Variants in CDH12 observed in about 807,000 individuals in gnomAD.
CDH12 encodes cadherin 12, also known as cadherin-12.
Under a neutral mutation model 74.1 loss-of-function variants are expected in CDH12, and 41 were observed. The observed-to-expected ratio is 0.55, with a 90% confidence interval of 0.43 to 0.72. The LOEUF (loss-of-function observed/expected upper bound fraction) is 0.72, where lower values mean the gene tolerates loss of function less well. CDH12 is among the 30% of genes least tolerant of loss of function. The pLI is 0.00. For missense variants in CDH12, 945 were observed against 977.2 expected (o/e 0.97, Z 0.44); for synonymous variants, 399 against 355.0 (o/e 1.12, Z -1.39).
At chr5:22,165,910 G>A (rs906300472) in intron 4 of CDH12, among the ~76,000 whole-genome samples, 1 of 152,134 alleles carries the variant, frequency 6.6e-6, no homozygotes, top group African/African-American at 2.4e-5. Context: ...TAAAGGGGAG[G>A]CATGAATAAT....
At chr5:22,485,907 A>C (rs1453489548) in intron 2 of CDH12, among the ~76,000 whole-genome samples, 1 of 152,230 alleles carries the variant, frequency 6.6e-6, no homozygotes, top group Non-Finnish European at 1.5e-5. Flanking sequence ...TCAGAGCAAA[A>C]GAATACACAG....
At chr5:22,255,737 C>A (rs1376722464) in intron 3 of CDH12, among the ~76,000 whole-genome samples, 1 of 151,346 alleles carries the variant, frequency 6.6e-6, no homozygotes, top group Non-Finnish European at 1.5e-5. Context: ...ACATGCAATA[C>A]AAATAACTGA....
chr5:21,826,276 A>G (rs1748664232), intron 8 of CDH12, among the ~76,000 whole-genome samples: 1 of 152,176 alleles, frequency 6.6e-6, no homozygotes, highest in Non-Finnish European at 1.5e-5. Flanking sequence ...GACATATTCA[A>G]ACATGAGATC....
At chr5:22,626,920 G>C (rs1485217114) in intron 1 of CDH12, among the ~76,000 whole-genome samples, 1 of 151,988 alleles carries the variant, frequency 6.6e-6, no homozygotes, top group Non-Finnish European at 1.5e-5. Flanking sequence ...TGATGTGAGA[G>C]AACTTAAAAA....
intron 1 of CDH12, among the ~76,000 whole-genome samples, chr5:22,842,567 G>A (rs1238413331): frequency 6.6e-6 from 1 of 152,064 alleles, no homozygotes; most frequent in Non-Finnish European, 1.5e-5. Context: ...TGGTGTTGTA[G>A]GCCAAGAGTA....
At chr5:22,452,898 A>AAAAAAAG (rs1745108971) in intron 2 of CDH12, among the ~76,000 whole-genome samples, 1 of 148,458 alleles carries the variant, frequency 6.7e-6, no homozygotes. Context: ...AAAAAAAAAA[A>AAAAAAAG]AAAAAATGAG....
At chr5:22,661,795 C>T (rs139345804) in intron 1 of CDH12, among the ~76,000 whole-genome samples, 1,585 of 152,180 alleles carry the variant, frequency 0.01, 15 homozygotes, top group Middle Eastern at 0.017. Context: ...GATTCGTAGA[C>T]TCTTAGGACA....
At chr5:22,698,741 T>TATATATATA (rs1561586190) in intron 1 of CDH12, among the ~76,000 whole-genome samples, 1 of 35,582 alleles carries the variant, frequency 2.8e-5, no homozygotes, top group Non-Finnish European at 5.7e-5. Flanking sequence ...ATATAGTGTG[T>TATATATATA]GTGTGTGTGT....
At chr5:22,191,670 T>C (rs1264413998) in intron 4 of CDH12, among the ~76,000 whole-genome samples, 3 of 107,950 alleles carry the variant, frequency 2.8e-5, no homozygotes, top group Admixed American at 1.1e-4. Context: ...GTTCACGCCA[T>C]TCTCCTGCCT....
intron 8 of CDH12, among the ~76,000 whole-genome samples, chr5:21,825,007 A>G (rs1400875766): frequency 6.6e-6 from 1 of 152,058 alleles, no homozygotes; most frequent in Non-Finnish European, 1.5e-5. Context: ...TAAAAAAATT[A>G]GCCGGGTGTG....
chr5:21,828,363 C>T (rs1385656087), intron 8 of CDH12, among the ~76,000 whole-genome samples: 6 of 152,096 alleles, frequency 3.9e-5, no homozygotes, highest in Admixed American at 3.9e-4. Flanking sequence ...CTCAAGTGAT[C>T]CACCTGCCTC....
intron 4 of CDH12, among the ~76,000 whole-genome samples, chr5:22,204,445 G>A (rs1751107238): frequency 6.6e-6 from 1 of 152,234 alleles, no homozygotes; most frequent in Non-Finnish European, 1.5e-5. Context: ...ACAGGCGTGA[G>A]CCACCGCGCC....
chr5:22,068,128 C>G (rs1038823059), intron 5 of CDH12, among the ~76,000 whole-genome samples: 1 of 152,124 alleles, frequency 6.6e-6, no homozygotes, highest in Non-Finnish European at 1.5e-5. Flanking sequence ...CTTGACCCAG[C>G]AAGCCATAAA....
chr5:22,290,717 A>G (rs893586909), intron 3 of CDH12, among the ~76,000 whole-genome samples: 16 of 152,188 alleles, frequency 1.1e-4, no homozygotes, highest in African/African-American at 3.6e-4. Context: ...TAGAAATACA[A>G]AGGATCATGA....
intron 3 of CDH12, among the ~76,000 whole-genome samples, chr5:22,400,382 T>C (rs1199112337): frequency 6.6e-6 from 1 of 152,112 alleles, no homozygotes. Flanking sequence ...ATTAGGGCTT[T>C]AGAATATTTT....
intron 6 of CDH12, among the ~76,000 whole-genome samples, chr5:21,968,926 A>G (rs1756708765): frequency 6.6e-6 from 1 of 151,824 alleles, no homozygotes; most frequent in Non-Finnish European, 1.5e-5. Context: ...GGAGCTGAAC[A>G]GTAAGAACAC....
At chr5:22,675,310 A>G (rs893858784) in intron 1 of CDH12, among the ~76,000 whole-genome samples, 1 of 152,176 alleles carries the variant, frequency 6.6e-6, no homozygotes, top group Non-Finnish European at 1.5e-5. Context: ...TGGAAGCCCC[A>G]AGCCTTGGCA....
At chr5:22,785,918 G>T (rs1290245315) in intron 1 of CDH12, among the ~76,000 whole-genome samples, 2 of 152,124 alleles carry the variant, frequency 1.3e-5, no homozygotes, top group African/African-American at 4.8e-5. Context: ...ATTCTTCAAA[G>T]ATCTAAAGAC....
At chr5:22,516,718 C>T (rs1370882602) in intron 1 of CDH12, among the ~76,000 whole-genome samples, 2 of 151,964 alleles carry the variant, frequency 1.3e-5, no homozygotes, top group Middle Eastern at 3.2e-3. Flanking sequence ...TGACTTGAGC[C>T]CGGGAAGTTG....
Sources: allele counts gnomAD v4.1 joint callset (sites outside exome capture counted in the v4.1 genomes callset), GRCh38; gene constraint gnomAD v4.1.1; transcripts MANE v1.5; gene names NCBI Gene and HGNC (gene_info 2026-07-23, HGNC 2026-07-21).